The following TIAM2 variants were observed in gnomAD, a reference collection of about 807,000 sequenced individuals.
TIAM2 encodes TIAM Rac1 associated GEF 2, also known as rho guanine nucleotide exchange factor TIAM2.
In TIAM2, 80 loss-of-function variants were observed where a neutral mutation model predicts 152.9. The observed-to-expected ratio is 0.52, with a 90% CI of 0.44 to 0.63. The LOEUF (loss-of-function observed/expected upper bound fraction) is 0.63. Among genes scored for constraint, TIAM2 ranks in the 30% least tolerant of loss-of-function variants. The probability of loss-of-function intolerance (pLI) is 0.00; values close to 1 mark genes in which losing one functional copy is unlikely to be tolerated. For synonymous variants in TIAM2, 804 were observed against 838.0 expected (o/e 0.96, Z 0.70); for missense variants, 1,965 against 2,120.1 (o/e 0.93, Z 1.44).
At chr6:155,190,408 T>G (rs1781168820) in intron 14 of TIAM2, among the ~76,000 whole-genome samples, 1 of 152,214 alleles carries the variant, frequency 6.6e-6, no homozygotes, top group African/African-American at 2.4e-5. Context: ...GGAAGCCGTC[T>G]CCACTAAAGT....
At chr6:155,106,253 C>T (rs942133185) in intron 2 of TIAM2, among the ~76,000 whole-genome samples, 2 of 151,994 alleles carry the variant, frequency 1.3e-5, no homozygotes, top group African/African-American at 2.4e-5. Context: ...GATCTACCCT[C>T]CTCGGCCTCC....
At position 155,176,804 on chromosome 6, in the gene TIAM2, A is replaced by G. The variant is rs1780769493; in HGVS notation, c.2362-12A>G. 1 of 1,602,230 alleles carries G rather than the reference A, an allele frequency of 6.2e-7. No homozygotes were observed. Among genetic ancestry groups the G allele is most frequent in the Non-Finnish European group, 8.5e-7 (1 of 1,176,392 alleles). ...AAATTTGTCTGCATTTTCTTTTGGC[A>G]TCTACAAACAGGTCGATGAACTTCT... On this transcript the variant is annotated splice_polypyrimidine_tract_variant and intron_variant, in intron 9 of 26. Transcript: ENST00000682666.
intron 23 of TIAM2, 107 bp downstream of exon 23, chr6:155,252,110 C>A: frequency 3.8e-6 from 3 of 791,868 alleles, no homozygotes; most frequent in Non-Finnish European, 4.1e-6. Flanking sequence ...CTGACTGATA[C>A]TGCTTACTCT....
At chr6:155,243,618 A>AGGAG (rs1783162089) in intron 16 of TIAM2, among the ~76,000 whole-genome samples, 1 of 152,210 alleles carries the variant, frequency 6.6e-6, no homozygotes, top group South Asian at 2.1e-4. Flanking sequence ...AGGCCAAGGC[A>AGGAG]GGAGGATCAC....
chr6:155,020,359 C>T (rs1421435666), intron 1 of TIAM2, among the ~76,000 whole-genome samples: 2 of 152,142 alleles, frequency 1.3e-5, no homozygotes, highest in African/African-American at 4.8e-5. Flanking sequence ...AAACTAGACA[C>T]GTTGAGGTAT....
Position 155,250,770 on chromosome 6 carries a change from A to G in TIAM2, c.3952-143A>G, listed in dbSNP as rs915005026. ...ATATTTTCAAAAGCTCCACCGTTTAAGGCCCCATGTTTACAGGTATCATAA... is the reference window on the plus strand; with the variant it reads ...ATATTTTCAAAAGCTCCACCGTTTAGGGCCCCATGTTTACAGGTATCATAA... On this transcript the variant is annotated intron_variant, in intron 21 of 26. Transcript: ENST00000682666. 21 of 1,116,128 alleles carry G rather than the reference A, an allele frequency of 1.9e-5. No individual in the cohort carries two copies. The African/African-American group carries it at 2.2e-4, about 12-fold the overall frequency. 69.1% of individuals were successfully genotyped at this position (1,116,128 alleles called of 1,614,324 possible). A position where few individuals can be genotyped will look rare whatever the true frequency, so the allele number is the denominator to read the frequency against.
At chr6:155,236,128 A>G (rs1346351885) in intron 15 of TIAM2, among the ~76,000 whole-genome samples, 1 of 151,948 alleles carries the variant, frequency 6.6e-6, no homozygotes, top group Non-Finnish European at 1.5e-5. Flanking sequence ...CATCGTGAAC[A>G]TTTTAGCTCA....
intron 15 of TIAM2, among the ~76,000 whole-genome samples, chr6:155,224,974 T>G (rs980929098): frequency 6.6e-6 from 1 of 152,196 alleles, no homozygotes; most frequent in Non-Finnish European, 1.5e-5. Context: ...TTTGTTTGTT[T>G]GAGATGGGTC....
At chr6:155,013,863 G>A (rs1428882334) in intron 1 of TIAM2, 1 of 151,482 alleles carries the variant, frequency 6.6e-6, no homozygotes, top group Non-Finnish European at 1.5e-5. Flanking sequence ...TATTATTGCT[G>A]GGTTAGAAAG....
intron 1 of TIAM2, among the ~76,000 whole-genome samples, chr6:155,009,130 C>T (rs1778445990): frequency 8.2e-6 from 1 of 122,214 alleles, no homozygotes; most frequent in Admixed American, 1.0e-4. Flanking sequence ...GAGGCAGGGT[C>T]TCGCTCTGTC....
intron 9 of TIAM2, among the ~76,000 whole-genome samples, chr6:155,172,678 ATATATATATTTTTTTTTTTTTT>A (rs1464185765): frequency 7.2e-5 from 1 of 13,928 alleles, no homozygotes; most frequent in African/African-American, 3.5e-4. Context: ...ATATATATAT[ATATATATATTTTTTTTTTTTTT>A]TTTTTTTTTT....
At chr6:155,170,617 T>A (rs1393455431) in intron 9 of TIAM2, among the ~76,000 whole-genome samples, 1 of 152,142 alleles carries the variant, frequency 6.6e-6, no homozygotes, top group Non-Finnish European at 1.5e-5. Context: ...AAGAAAGTTA[T>A]GAAACTATAG....
In TIAM2 at chr6:155,244,074, G is replaced by A; in HGVS notation, c.3412G>A (p.Asp1138Asn). The change falls in exon 17 of 27, where the codon GAT becomes AAT. Residue 1138 changes from aspartate (D) to asparagine (N), a missense_variant. Physicochemically the swap from Asp to Asn is conservative, Grantham distance 23. Transcript: ENST00000682666. Reference sequence around the variant, plus strand: ...TCAGAATGAGACCTTTCTTACCCAAGATGAGGTAAATAAAATCACCTTCCT... The same window carrying A: ...TCAGAATGAGACCTTTCTTACCCAAAATGAGGTAAATAAAATCACCTTCCT... ...PLQNETFLTQDEMESLFGSLP... is the reference protein window; with the variant it reads ...PLQNETFLTQNEMESLFGSLP... 1 of 1,613,928 alleles carries A rather than the reference G, an allele frequency of 6.2e-7. No individual in the cohort carries two copies. Among genetic ancestry groups the A allele is most frequent in the Non-Finnish European group, 8.5e-7 (1 of 1,179,882 alleles).
chr6:155,256,489 T>C lies in TIAM2; in HGVS notation c.4474T>C (p.Ser1492Pro), dbSNP rs781738784. The C allele has an allele frequency of 1.2e-6, 2 of 1,614,208 alleles. No homozygotes were observed. Among genetic ancestry groups the C allele is most frequent in the South Asian group, 2.2e-5 (2 of 91,070 alleles). ...RVPVSAKLAS[S>P]RSLKVLKNSS... ...ATGTGTTTTTCTCACTGTAGCTTCA[T>C]CCAGGTCTTTAAAAGTCCTGAAGAA... The change falls in exon 27 of 27, where the codon TCC becomes CCC. Residue 1492 changes from serine (S) to proline (P), a missense_variant. By Grantham distance (74) the Ser-to-Pro change is moderately conservative. This residue lies in a region of TIAM2 where 935 missense variants were observed against 980.0 expected (regional missense o/e 0.95). Transcript: ENST00000682666.
intron 2 of TIAM2, chr6:155,122,056 A>G (rs1779165539): frequency 6.6e-6 from 1 of 152,254 alleles, no homozygotes; most frequent in Non-Finnish European, 1.5e-5. Context: ...GACTCATCCA[A>G]TCAAGCCCAG....
chr6:155,185,490 TTTTATTTATTTATTTATTTA>T (rs57784770), intron 14 of TIAM2, among the ~76,000 whole-genome samples: 49 of 146,014 alleles, frequency 3.4e-4, no homozygotes, highest in Middle Eastern at 3.4e-3. Flanking sequence ...GTTAAGCCAC[TTTTATTTATTTATTTATTTA>T]TTTATTTATT....
At position 155,240,599 on chromosome 6, in the gene TIAM2, C is replaced by A. The variant is rs201013195; in HGVS notation, c.3238C>A (p.Arg1080=). The A allele has an allele frequency of 1.2e-6, 2 of 1,614,004 alleles. No individual in the cohort carries two copies. Among genetic ancestry groups the A allele is most frequent in the African/African-American group, 1.3e-5 (1 of 74,938 alleles). Residue 1080 remains arginine (R), a synonymous_variant, in exon 16 of 27, where the codon CGG becomes AGG. Transcript: ENST00000682666. ...DSQANGMEGP[R]ENQDPPPRSL... ...TCAGGCCAACGGCATGGAAGGACCG[C>A]GGGAGAATCAGGATCCTCCTCCGAG...
At chr6:155,059,414 C>T (rs1206464172) in intron 1 of TIAM2, among the ~76,000 whole-genome samples, 1 of 152,040 alleles carries the variant, frequency 6.6e-6, no homozygotes, top group Admixed American at 6.6e-5. Context: ...ACCTCCGCCT[C>T]CCAGGTTCAA....
chr6:155,081,362 A>G (rs1356493727), intron 1 of TIAM2, among the ~76,000 whole-genome samples: 2 of 151,682 alleles, frequency 1.3e-5, no homozygotes, highest in African/African-American at 4.8e-5. Context: ...GCATTGGGAA[A>G]GGGATCATTG....
Sources: gnomAD v4.1 joint callset for allele counts (sites outside exome capture counted in the v4.1 genomes callset) on GRCh38, gnomAD v4.1.1 for gene constraint, gnomAD v4.1.1 regional missense constraint, MANE v1.5 for transcripts, NCBI Gene and HGNC (gene_info 2026-07-23, HGNC 2026-07-21) for gene names.